CIB1: variants seen among roughly 807,000 people sequenced by gnomAD.
CIB1 encodes calcium and integrin-binding protein 1.
Under a neutral mutation model 25.0 loss-of-function variants are expected in CIB1, and 19 were observed. The ratio of observed to expected loss-of-function variants is 0.76; its 90% CI spans 0.53 to 1.12. CIB1 has a LOEUF of 1.12. Ranked by LOEUF, CIB1 falls within the 50% of genes most tolerant of loss-of-function variation. CIB1 has a pLI of 0.00. For missense variants in CIB1, 236 were observed against 242.6 expected, an observed-to-expected ratio of 0.97 and a Z score of 0.18; for synonymous variants, 104 against 98.5, an observed-to-expected ratio of 1.06 and a Z score of -0.33.
the CIB1 span, chr15:90,258,719 G>T: frequency 6.2e-7 from 1 of 1,603,346 alleles, no homozygotes. Context: ...TGGGAAAGGG[G>T]TGTATAATGA....
chr15:90,231,615 G>T, intron 3 of CIB1, 108 bp from the exon 4 acceptor site: 1 of 1,316,582 alleles, frequency 7.6e-7, no homozygotes, highest in South Asian at 1.4e-5. Flanking sequence ...GCTCAGCCTC[G>T]TGGGGGTGAA....
the CIB1 span, among the ~76,000 whole-genome samples, chr15:90,254,024 A>C: frequency 6.6e-6 from 1 of 152,122 alleles, no homozygotes; most frequent in Non-Finnish European, 1.5e-5. Flanking sequence ...GAAGCTCCAG[A>C]GGAGGTTGGG....
chr15:90,265,729 G>A, the CIB1 span: 4 of 1,613,368 alleles, frequency 2.5e-6, no homozygotes, highest in Non-Finnish European at 3.4e-6. Context: ...GTTACCCTGA[G>A]TCTCTTGCTG....
At chr15:90,252,252 G>A in the CIB1 span, among the ~76,000 whole-genome samples, 1 of 152,004 alleles carries the variant, frequency 6.6e-6, no homozygotes, top group African/African-American at 2.4e-5. Flanking sequence ...GGCCAGGCTG[G>A]TCTTGAACTC....
the CIB1 span, among the ~76,000 whole-genome samples, chr15:90,252,180 C>T: frequency 6.6e-6 from 1 of 152,038 alleles, no homozygotes; most frequent in African/African-American, 2.4e-5. Flanking sequence ...GCTGGGATTA[C>T]AGGCATGTGC....
chr15:90,251,280 A>ATATTTT, the CIB1 span, among the ~76,000 whole-genome samples: 9 of 109,518 alleles, frequency 8.2e-5, no homozygotes, highest in African/African-American at 2.5e-4. Context: ...CGCATGGCAA[A>ATATTTT]TTTTTTTTTT....
the CIB1 span, chr15:90,250,547 C>G: frequency 6.6e-7 from 1 of 1,509,834 alleles, no homozygotes; most frequent in Non-Finnish European, 8.9e-7. Context: ...TGGTGGATTC[C>G]TTCAGGCCTT....
Position 90,230,412 on chromosome 15 carries a change from C to T in CIB1, c.*72G>A, listed in dbSNP as rs1384386300. The T allele has an allele frequency of 9.1e-6, 14 of 1,534,574 alleles. No individual in the cohort carries two copies. The highest frequency in any genetic ancestry group is 1.1e-5 in the Non-Finnish European group (13 of 1,133,082). On this transcript the variant is annotated 3_prime_UTR_variant, in exon 7 of 7. Coordinates refer to ENST00000328649, the MANE Select transcript of CIB1 (RefSeq NM_006384.4). ...GCTTGGCCCGCACTGGCAACACAGG[C>T]TTGACCTTGGCCACAGCTCAGCAGT...
chr15:90,258,700 C>T, the CIB1 span: 1 of 1,546,844 alleles, frequency 6.5e-7, no homozygotes, highest in Non-Finnish European at 8.9e-7. Context: ...ACCACCTGCT[C>T]AGGTGGTCTG....
At chr15:90,261,374 C>T in the CIB1 span, among the ~76,000 whole-genome samples, 5 of 135,664 alleles carry the variant, frequency 3.7e-5, no homozygotes, top group African/African-American at 1.3e-4. Flanking sequence ...CCACCATGCC[C>T]GGCCACTTTT....
chr15:90,230,184 T>C lies in CIB1; in HGVS notation c.*300A>G, dbSNP rs1173625696. 17 of 457,484 alleles carry C rather than the reference T, an allele frequency of 3.7e-5. No homozygotes were observed. Among genetic ancestry groups the C allele is most frequent in the Non-Finnish European group, 4.7e-5 (12 of 252,780 alleles). The allele number at this position is 457,484 out of a possible 1,614,324, so 28.3% of individuals were successfully genotyped here. On this transcript the variant is annotated 3_prime_UTR_variant, in exon 7 of 7. Coordinates refer to ENST00000328649, the MANE Select transcript of CIB1 (RefSeq NM_006384.4). ...GATATGCTGCTTATTCCTAGGATGA[T>C]TGAAGGCTCTTAGAAGAGAAGTCCA...
chr15:90,264,011 A>C, the CIB1 span: 1 of 1,536,104 alleles, frequency 6.5e-7, no homozygotes, highest in East Asian at 2.4e-5. Context: ...TCAATGAAGA[A>C]GGCTGGGAGG....
chr15:90,242,245 A>T, the CIB1 span: 1 of 324,554 alleles, frequency 3.1e-6, no homozygotes, highest in Non-Finnish European at 5.3e-6. Context: ...GCACCACCAC[A>T]CACCTGGCTT....
chr15:90,256,418 T>A, the CIB1 span: 1 of 1,239,178 alleles, frequency 8.1e-7, no homozygotes, highest in Non-Finnish European at 1.1e-6. Flanking sequence ...AGCCCCGTTT[T>A]CCTGGAGGCA....
chr15:90,253,315 G>T, the CIB1 span: 1 of 1,613,644 alleles, frequency 6.2e-7, no homozygotes. Context: ...ACTCTGTACT[G>T]GACAGACTGC....
the CIB1 span, among the ~76,000 whole-genome samples, chr15:90,246,378 T>C: frequency 6.6e-6 from 1 of 152,126 alleles, no homozygotes; most frequent in African/African-American, 2.4e-5. Flanking sequence ...GAAGAATACT[T>C]AATGTGGGGT....
Position 90,230,145 on chromosome 15 carries a change from G to T in CIB1, c.*339C>A. On this transcript the variant is annotated 3_prime_UTR_variant, in exon 7 of 7. Transcript: ENST00000328649. Reference sequence around the variant, plus strand: ...CAGCGTGGGTGCGGCTTGACTTCCCGCTGGCCTCTGCTCGATATGCTGCTT... The same window carrying T: ...CAGCGTGGGTGCGGCTTGACTTCCCTCTGGCCTCTGCTCGATATGCTGCTT... The T allele has an allele frequency of 3.0e-6, 1 of 337,022 alleles. No individual in the cohort carries two copies. The highest frequency in any genetic ancestry group is 5.6e-6 in the Non-Finnish European group (1 of 180,148). 20.9% of individuals were successfully genotyped at this position (337,022 alleles called of 1,614,324 possible).
the CIB1 span, among the ~76,000 whole-genome samples, chr15:90,260,867 AAGAG>A: frequency 4.0e-5 from 6 of 151,162 alleles, no homozygotes; most frequent in Non-Finnish European, 8.9e-5. Context: ...AAAAAAAAAA[AAGAG>A]AGAAAGAAAG....
At chr15:90,265,573 C>A in the CIB1 span, 16 of 1,391,562 alleles carry the variant, frequency 1.1e-5, no homozygotes, top group Non-Finnish European at 1.5e-5. Flanking sequence ...CAGCGTGAGC[C>A]CAGATCTTAC....
Sources: gnomAD v4.1 joint callset for allele counts (sites outside exome capture counted in the v4.1 genomes callset) on GRCh38, gnomAD v4.1.1 for gene constraint, MANE v1.5 for transcripts, NCBI Gene and HGNC (gene_info 2026-07-23, HGNC 2026-07-21) for gene names.